LRP2: variants seen among roughly 807,000 people sequenced by gnomAD.
The protein encoded by LRP2 is low-density lipoprotein receptor-related protein 2.
Under a neutral mutation model 531.0 loss-of-function variants are expected in LRP2, and 172 were observed. The ratio of observed to expected loss-of-function variants is 0.32; its 90% CI spans 0.29 to 0.37. LRP2 has a LOEUF of 0.37. LRP2 is among the 10% of genes least tolerant of loss of function. The pLI is 1.00. For synonymous variants in LRP2, 1,992 were observed against 2,027.6 expected, an observed-to-expected ratio of 0.98 and a Z score of 0.47; for missense variants, 5,167 against 5,868.3, an observed-to-expected ratio of 0.88 and a Z score of 3.90.
At chr2:169,172,176 G>C in intron 57 of LRP2, 42 bp from the exon 58 acceptor site, 1 of 1,613,132 alleles carries the variant, frequency 6.2e-7, no homozygotes, top group East Asian at 2.2e-5. Context: ...ACCATTGGCA[G>C]AGAAATGCAC....
At position 169,242,809 on chromosome 2, in the gene LRP2, T is replaced by C. The variant is rs181742804; in HGVS notation, c.3667+147A>G. The C allele has an allele frequency of 1.8e-4, 134 of 750,862 alleles. 2 individuals carry two copies. The highest frequency in any genetic ancestry group is 1.1e-3 in the Admixed American group (62 of 56,452). 46.5% of individuals were successfully genotyped at this position (750,862 alleles called of 1,614,324 possible). On this transcript the variant is annotated intron_variant, in intron 24 of 78. Transcript: ENST00000649046. Reference sequence around the variant, plus strand: ...ATTATATGGCAATGTCTACTCAATTTTACTGTATGTTCAATACCACATTCC... The same window carrying C: ...ATTATATGGCAATGTCTACTCAATTCTACTGTATGTTCAATACCACATTCC...
At chr2:169,230,025 G>C (rs917984812) in intron 31 of LRP2, among the ~76,000 whole-genome samples, 1 of 152,106 alleles carries the variant, frequency 6.6e-6, no homozygotes, top group Non-Finnish European at 1.5e-5. Context: ...GAAACCTACT[G>C]GGAAATACTT....
intron 48 of LRP2, among the ~76,000 whole-genome samples, chr2:169,191,379 C>T (rs966768583): frequency 6.6e-6 from 1 of 152,166 alleles, no homozygotes; most frequent in African/African-American, 2.4e-5. Flanking sequence ...AAGTGGAAAA[C>T]TAAGCGGGTC....
chr2:169,233,580 C>A lies in LRP2; in HGVS notation c.4929G>T (p.Arg1643=). 1 of 1,614,052 alleles carries A rather than the reference C, an allele frequency of 6.2e-7. No individual in the cohort carries two copies. The highest frequency in any genetic ancestry group is 8.5e-7 in the Non-Finnish European group (1 of 1,179,968). The change falls in exon 30 of 79, where the codon CGG becomes CGT. Residue 1643 remains arginine (R), a synonymous_variant. Transcript: ENST00000649046. ...CAAAGAGAGTTAGGGCATAGGGGTG[C>A]CGTATAATCTGTGAGGCAGAAGAGA... is the stretch of plus-strand genomic sequence containing the variant. ...RQVIASDLII[R]HPYALTLFED...
chr2:169,270,994 C>A lies in LRP2; in HGVS notation c.2230G>T (p.Val744Phe). The A allele has an allele frequency of 6.2e-7, 1 of 1,613,240 alleles. No homozygotes were observed. Among genetic ancestry groups the A allele is most frequent in the Non-Finnish European group, 8.5e-7 (1 of 1,179,606 alleles). Reference sequence around the variant, plus strand: ...TCCTGGGCGTCAAAATCAATCCCGACAAAGAAAGAAGGATTCCCCGAAACT... The same window carrying A: ...TCCTGGGCGTCAAAATCAATCCCGAAAAAGAAAGAAGGATTCCCCGAAACT... The part of the protein sequence containing the change: ...VPVSGNPSFF[V>F]GIDFDAQDST... Residue 744 changes from valine (V) to phenylalanine (F), a missense_variant, in exon 16 of 79, where the codon GTC becomes TTC. Transcript: ENST00000649046.
At chr2:169,188,352 T>C (rs1687708149) in intron 48 of LRP2, 87 bp from the exon 49 acceptor site, 2 of 1,276,560 alleles carry the variant, frequency 1.6e-6, no homozygotes, top group African/African-American at 1.5e-5. Flanking sequence ...TCCTTCTTTA[T>C]CTACCTAAAT....
chr2:169,357,292 TTATTTTATTTTA>T (rs1267237077), intron 1 of LRP2, among the ~76,000 whole-genome samples: 1 of 24,382 alleles, frequency 4.1e-5, no homozygotes, highest in Non-Finnish European at 9.8e-5. Flanking sequence ...TTATTTATTT[TTATTTTATTTTA>T]TTTTATTTTA....
chr2:169,215,759 T>C (rs1688762810), intron 35 of LRP2, among the ~76,000 whole-genome samples: 1 of 147,624 alleles, frequency 6.8e-6, no homozygotes, highest in Non-Finnish European at 1.5e-5. Context: ...ATAGATCATA[T>C]ATAGAATCTA....
intron 71 of LRP2, among the ~76,000 whole-genome samples, chr2:169,141,827 G>A (rs776854755): frequency 1.1e-4 from 17 of 152,322 alleles, no homozygotes; most frequent in Admixed American, 6.5e-4. Context: ...GTTGGGATGA[G>A]TGCAAGAGTA....
chr2:169,220,306 T>A, intron 34 of LRP2, 148 bp downstream of exon 34: 2 of 697,894 alleles, frequency 2.9e-6, no homozygotes, highest in South Asian at 3.2e-5. Context: ...CAGAGCTATT[T>A]CTCTTTCTCA....
Position 169,145,760 on chromosome 2 carries a change from T to G in LRP2, c.12975A>C (p.Arg4325Ser), listed in dbSNP as rs1685883367. ...LTQVRIFHQL[R>S]YNKSVPNLCK... ...GTTGGTGATTACCTGACTTATTGTA[T>G]CTGAGTTGATGAAAGATTCGAACTT... The change falls in exon 70 of 79, where the codon AGA becomes AGC. Residue 4325 changes from arginine to serine, a missense_variant. By Grantham distance (110) the Arg-to-Ser change is moderately radical (BLOSUM62 -1). Transcript: ENST00000649046. 1 of 1,614,186 alleles carries G rather than the reference T, an allele frequency of 6.2e-7. No homozygotes were observed. Among genetic ancestry groups the G allele is most frequent in the Non-Finnish European group, 8.5e-7 (1 of 1,180,022 alleles).
intron 10 of LRP2, among the ~76,000 whole-genome samples, chr2:169,280,746 G>T (rs1574215879): frequency 6.6e-6 from 1 of 152,356 alleles, no homozygotes; most frequent in Middle Eastern, 3.4e-3. Flanking sequence ...ATCTCAGTAA[G>T]TTAGGAAGAA....
intron 44 of LRP2, among the ~76,000 whole-genome samples, chr2:169,200,355 C>T (rs1215586464): frequency 6.6e-6 from 1 of 152,130 alleles, no homozygotes; most frequent in Non-Finnish European, 1.5e-5. Flanking sequence ...GCAACTCAAC[C>T]CTGTGATAAT....
rs3083240 is a variant in LRP2, at chr2:169,127,533, TAAAAAAAA to T, written c.*1122_*1129del. 4.6e-5 allele frequency: 3 copies of T among 64,682 alleles called. No individual in the cohort carries two copies. Among genetic ancestry groups the T allele is most frequent in the Admixed American group, 2.0e-4 (1 of 4,886 alleles). 4.0% of individuals were successfully genotyped at this position (64,682 alleles called of 1,614,324 possible). Reference sequence around the variant, plus strand: ...TGGCAATATAGCAAGACTCCATCTCTAAAAAAAAAAAAAAAAAAAAAACCAATAAGAAT... The same window carrying T: ...TGGCAATATAGCAAGACTCCATCTCTAAAAAAAAAAAAAACCAATAAGAAT... On this transcript the variant is annotated 3_prime_UTR_variant, in exon 79 of 79. Coordinates refer to ENST00000649046, the MANE Select transcript of LRP2 (RefSeq NM_004525.3).
chr2:169,360,697 C>A (rs1235606396), intron 1 of LRP2, among the ~76,000 whole-genome samples: 1 of 152,102 alleles, frequency 6.6e-6, no homozygotes, highest in Non-Finnish European at 1.5e-5. Flanking sequence ...CCTCTTTCTG[C>A]GTTACCAACA....
At position 169,212,066 on chromosome 2, in the gene LRP2, T is replaced by C. The variant is rs758386123; in HGVS notation, c.6182A>G (p.Tyr2061Cys). 7 of 1,614,006 alleles carry C rather than the reference T, an allele frequency of 4.3e-6. No individual in the cohort carries two copies. The highest frequency in any genetic ancestry group is 3.3e-5 in the South Asian group (3 of 91,082). ...LNPDNRSCSP[Y>C]NSFIVVSMLS... is the part of the protein sequence containing the mutation. ...CATTGAAACAACAATGAAAGAGTTA[T>C]ATGGAGAGCAGGACCGATTATCAGG... Residue 2061 changes from tyrosine (Y) to cysteine (C), a missense_variant, in exon 37 of 79, where the codon TAT becomes TGT. This residue lies in a region of LRP2 where 2,811 missense variants were observed against 3,058.0 expected (regional missense o/e 0.92). Coordinates refer to ENST00000649046, the MANE Select transcript of LRP2 (RefSeq NM_004525.3).
At chr2:169,181,202 A>T (rs780196333) in intron 52 of LRP2, among the ~76,000 whole-genome samples, 1 of 152,194 alleles carries the variant, frequency 6.6e-6, no homozygotes, top group Non-Finnish European at 1.5e-5. Flanking sequence ...TTTCTAGATA[A>T]AAAAACAATA....
chr2:169,199,011 T>C, intron 44 of LRP2, 100 bp from the exon 45 acceptor site: 3 of 1,260,378 alleles, frequency 2.4e-6, no homozygotes, highest in East Asian at 2.5e-5. Context: ...CTCAAACCAC[T>C]GGAAGGGCGG....
intron 1 of LRP2, among the ~76,000 whole-genome samples, chr2:169,345,904 C>A (rs1048344447): frequency 2.8e-4 from 42 of 152,180 alleles, no homozygotes; most frequent in Non-Finnish European, 5.9e-5. Flanking sequence ...TGTCTTTGAT[C>A]CACCAATGTG....
Sources: gnomAD v4.1 joint callset for allele counts (sites outside exome capture counted in the v4.1 genomes callset) on GRCh38, gnomAD v4.1.1 for gene constraint, gnomAD v4.1.1 regional missense constraint, MANE v1.5 for transcripts, NCBI Gene and HGNC (gene_info 2026-07-23, HGNC 2026-07-21) for gene names.